The following NLRP4 variants were observed in gnomAD, a reference collection of about 807,000 sequenced individuals.
NLRP4 encodes NLR family pyrin domain containing 4.
NLRP4 carries 44 observed loss-of-function variants against 84.7 expected under a neutral mutation model. That is an observed-to-expected ratio of 0.52 (90% CI 0.41 to 0.67). NLRP4 has a LOEUF of 0.67. Ranked by LOEUF, NLRP4 falls within the 30% of genes least tolerant of loss-of-function variation. NLRP4 has a pLI of 0.00. For missense variants in NLRP4, 1,260 were observed against 1,219.4 expected (o/e 1.03, Z -0.50); for synonymous variants, 544 against 476.4 (o/e 1.14, Z -1.85).
chr19:55,845,282 T>C (rs1983752779), intron 1 of NLRP4, among the ~76,000 whole-genome samples: 1 of 150,066 alleles, frequency 6.7e-6, no homozygotes, highest in Admixed American at 6.7e-5. Context: ...CAGTGTTTGG[T>C]TTTTTGTCCT....
intron 7 of NLRP4, among the ~76,000 whole-genome samples, chr19:55,871,846 C>CTT (rs376627745): frequency 0.19 from 26,656 of 141,954 alleles, 2,601 homozygotes; most frequent in Admixed American, 0.23. Context: ...CAGAAATAAT[C>CTT]TTTTTTTTTT....
At chr19:55,863,514 C>T (rs941221297) in intron 5 of NLRP4, among the ~76,000 whole-genome samples, 4 of 151,972 alleles carry the variant, frequency 2.6e-5, no homozygotes, top group Non-Finnish European at 2.9e-5. Flanking sequence ...GCAACCAGGT[C>T]GCGTGAGGAC....
intron 8 of NLRP4, 55 bp downstream of exon 8, chr19:55,877,221 G>A: frequency 6.6e-7 from 1 of 1,509,594 alleles, no homozygotes; most frequent in East Asian, 2.3e-5. Context: ...GACGGAAAAT[G>A]GATGGGAAGA....
At position 55,851,700 on chromosome 19, in the gene NLRP4, G is replaced by A. The variant is rs537303843; in HGVS notation, c.-65-316G>A. ...GCTGCGGTGTAATGTCCGAGGCTGC[G>A]GTGTAATGTCCGAGGCTGCGGTGTA... On this transcript the variant is annotated intron_variant, in intron 1 of 9. Coordinates refer to ENST00000301295, the MANE Select transcript of NLRP4 (RefSeq NM_134444.5). Among the ~76,000 whole-genome samples, 5 of 109,304 alleles carry A rather than the reference G, an allele frequency of 4.6e-5. 1 individual carries two copies. Among genetic ancestry groups the A allele is most frequent in the African/African-American group, 1.4e-4 (5 of 36,936 alleles). The allele number at this position is 109,304 out of a possible 152,430, so 71.7% of individuals were successfully genotyped here. A position where few individuals can be genotyped will look rare whatever the true frequency, so the allele number is the denominator to read the frequency against.
At chr19:55,856,286 GCCC>G (rs1335648355) in intron 2 of NLRP4, among the ~76,000 whole-genome samples, 1 of 151,838 alleles carries the variant, frequency 6.6e-6, no homozygotes, top group African/African-American at 2.4e-5. Flanking sequence ...GAGCCACTGC[GCCC>G]AGCCAACTAC....
Position 55,859,220 on chromosome 19 carries a change from C to G in NLRP4, c.1827C>G (p.Val609=), listed in dbSNP as rs771376206. The change falls in exon 3 of 10, where the codon GTC becomes GTG. Residue 609 remains valine (V), a synonymous_variant. Coordinates refer to ENST00000301295, the MANE Select transcript of NLRP4 (RefSeq NM_134444.5). ...LRKLCFSVQN[V]FKKEDEHSST... Reference sequence around the variant, plus strand: ...AACTCTGTTTTTCCGTTCAAAATGTCTTTAAGAAAGAGGATGAACACAGCT... The same window carrying G: ...AACTCTGTTTTTCCGTTCAAAATGTGTTTAAGAAAGAGGATGAACACAGCT... 3 of 1,604,686 alleles carry G rather than the reference C, an allele frequency of 1.9e-6. No homozygotes were observed. Among genetic ancestry groups the G allele is most frequent in the Non-Finnish European group, 2.6e-6 (3 of 1,172,100 alleles).
At chr19:55,851,112 TGGCTGCGGTGTAATGTCCGA>T (rs1984111793) in intron 1 of NLRP4, among the ~76,000 whole-genome samples, 5 of 34,296 alleles carry the variant, frequency 1.5e-4, no homozygotes, top group African/African-American at 3.2e-4. Flanking sequence ...GTAATGTCCG[TGGCTGCGGTGTAATGTCCGA>T]GGCTGCGGTG....
rs764595829 is a variant in NLRP4, at chr19:55,858,098, G to A, written c.705G>A (p.Glu235=). ...RLLFVIDSFE[E]LQGGLNEPDS... ...TGTTCGTCATCGACAGCTTCGAAGA[G>A]CTGCAGGGCGGCTTGAACGAACCCG... is the stretch of plus-strand genomic sequence containing the variant. Residue 235 remains glutamate, a synonymous_variant, in exon 3 of 10, where the codon GAG becomes GAA. Coordinates refer to ENST00000301295, the MANE Select transcript of NLRP4 (RefSeq NM_134444.5). This position sits in a 1 kb window ranked among gnomAD's most constrained non-coding sequence, Gnocchi z 4.2. 6.2e-7 allele frequency: 1 copy of A among 1,614,150 alleles called. No individual in the cohort carries two copies. The highest frequency in any genetic ancestry group is 8.5e-7 in the Non-Finnish European group (1 of 1,180,030).
At position 55,858,485 on chromosome 19, in the gene NLRP4, C is replaced by T; in HGVS notation, c.1092C>T (p.Thr364=). 1 of 1,614,106 alleles carries T rather than the reference C, an allele frequency of 6.2e-7. No individual in the cohort carries two copies. The highest frequency in any genetic ancestry group is 1.6e-4 in the Middle Eastern group (1 of 6,062). Reference sequence around the variant, plus strand: ...AGAAAGGAAAAGACCTGGCCCTGACCTGCCAGAGCACTACCTCTGTGTACT... The same window carrying T: ...AGAAAGGAAAAGACCTGGCCCTGACTTGCCAGAGCACTACCTCTGTGTACT... ...EMQKGKDLAL[T]CQSTTSVYSS... The change falls in exon 3 of 10, where the codon ACC becomes ACT. Residue 364 remains threonine, a synonymous_variant. Transcript: ENST00000301295. This position sits in a 1 kb window ranked among gnomAD's most constrained non-coding sequence, Gnocchi z 4.2.
intron 7 of NLRP4, among the ~76,000 whole-genome samples, chr19:55,876,412 G>T (rs531559872): frequency 6.6e-6 from 1 of 152,102 alleles, no homozygotes; most frequent in African/African-American, 2.4e-5. Context: ...GCAGTGGTGC[G>T]ATCTCAGCTC....
chr19:55,859,948 AAAAAC>A (rs1480129417), intron 3 of NLRP4, among the ~76,000 whole-genome samples: 2,679 of 105,906 alleles, frequency 0.025, 258 homozygotes, highest in Non-Finnish European at 0.044. Context: ...AAAAAAAAAA[AAAAAC>A]AAAACACAAA....
At chr19:55,838,784 C>G (rs442510) in intron 1 of NLRP4, among the ~76,000 whole-genome samples, 23,281 of 151,966 alleles carry the variant, frequency 0.15, 1,988 homozygotes, top group East Asian at 0.22. Context: ...CAGGGTTTAT[C>G]TTCTAAAAAT....
chr19:55,879,065 G>A, intron 9 of NLRP4, 101 bp downstream of exon 9: 1 of 898,310 alleles, frequency 1.1e-6, no homozygotes. Flanking sequence ...AAATGCAAAT[G>A]ATGTTCCTTG....
chr19:55,840,332 ATGTGTATGTGTATGTGTGTG>A (rs1983557896), intron 1 of NLRP4, among the ~76,000 whole-genome samples: 2 of 120,186 alleles, frequency 1.7e-5, no homozygotes, highest in Non-Finnish European at 3.5e-5. Context: ...GTATAGACAT[ATGTGTATGTGTATGTGTGTG>A]TGTGTGTGTG....
chr19:55,861,195 G>T (rs1984735148), intron 3 of NLRP4, among the ~76,000 whole-genome samples, 191 bp from the exon 4 acceptor site: 1 of 152,158 alleles, frequency 6.6e-6, no homozygotes, highest in Non-Finnish European at 1.5e-5. Flanking sequence ...TGTCCCCTGG[G>T]GGGAAACGTC....
At chr19:55,877,238 A>G in intron 8 of NLRP4, 72 bp downstream of exon 8, 1 of 1,432,432 alleles carries the variant, frequency 7.0e-7, no homozygotes, top group Non-Finnish European at 9.8e-7. Context: ...AAGAAAGAGA[A>G]AGATGAAAAC....
intron 6 of NLRP4, 97 bp downstream of exon 6, chr19:55,867,973 A>T: frequency 1.8e-6 from 2 of 1,082,282 alleles, no homozygotes; most frequent in Non-Finnish European, 2.7e-6. Context: ...GAGGCCACAT[A>T]GCGGAGGTTT....
chr19:55,847,060 G>A (rs387159), intron 1 of NLRP4, among the ~76,000 whole-genome samples: 21,849 of 152,000 alleles, frequency 0.14, 1,705 homozygotes, highest in East Asian at 0.22. Context: ...GAGTAGCTGG[G>A]GCTATAGGCG....
chr19:55,873,641 AATG>A (rs1344484281), intron 7 of NLRP4, among the ~76,000 whole-genome samples: 2 of 152,148 alleles, frequency 1.3e-5, no homozygotes, highest in Non-Finnish European at 2.9e-5. Context: ...ACCTCAATAA[AATG>A]ATGAAAATGA....
Sources: allele counts gnomAD v4.1 joint callset (sites outside exome capture counted in the v4.1 genomes callset), GRCh38; gene constraint gnomAD v4.1.1; non-coding constraint Gnocchi (gnomAD v3.1); transcripts MANE v1.5; gene names NCBI Gene and HGNC (gene_info 2026-07-23, HGNC 2026-07-21).